Variants in DCX observed in about 807,000 individuals in gnomAD.
DCX encodes the protein doublecortin.
DCX carries 4 observed loss-of-function variants against 20.9 expected under a neutral mutation model. That is an observed-to-expected ratio of 0.19 (90% CI 0.09 to 0.44). The LOEUF (loss-of-function observed/expected upper bound fraction) is 0.44, where lower values mean the gene tolerates loss of function less well. DCX is among the 20% of genes least tolerant of loss of function. The probability of loss-of-function intolerance (pLI) is 0.99; values close to 1 mark genes in which losing one functional copy is unlikely to be tolerated. For synonymous variants in DCX, 103 were observed against 111.4 expected (o/e 0.92, Z 0.47); for missense variants, 133 against 296.9 (o/e 0.45, Z 4.06).
intron 2 of DCX, among the ~76,000 whole-genome samples, chrX:111,405,855 C>T (rs1472375157): frequency 9.0e-6 from 1 of 111,186 alleles, no homozygotes; most frequent in Non-Finnish European, 1.9e-5. Context: ...AAACTGACAT[C>T]AATAACCTTT....
intron 3 of DCX, among the ~76,000 whole-genome samples, chrX:111,397,981 C>A (rs1404598629): frequency 1.8e-5 from 2 of 111,117 alleles, no homozygotes; most frequent in South Asian, 3.8e-4. Flanking sequence ...GAATGGCACA[C>A]AATTTGCAGC....
At chrX:111,335,107 T>A (rs751501981) in intron 3 of DCX, among the ~76,000 whole-genome samples, 1 of 111,896 alleles carries the variant, frequency 8.9e-6, no homozygotes, top group East Asian at 2.8e-4. Flanking sequence ...ACCCTGAAGA[T>A]CTCTGCCATA....
intron 3 of DCX, among the ~76,000 whole-genome samples, chrX:111,344,973 G>A (rs76788715): frequency 8.9e-6 from 1 of 111,933 alleles, no homozygotes; most frequent in Non-Finnish European, 1.9e-5. Context: ...GAGGCATCAC[G>A]CTACTTGACT....
intron 4 of DCX, 100 bp from the exon 5 acceptor site, chrX:111,331,141 T>G: frequency 1.0e-6 from 1 of 974,594 alleles, no homozygotes; most frequent in Non-Finnish European, 1.5e-6. Context: ...CCAAAGGACC[T>G]AAATGGGTCA....
intron 2 of DCX, among the ~76,000 whole-genome samples, chrX:111,408,116 C>G (rs914248161): frequency 9.0e-6 from 1 of 111,370 alleles, no homozygotes; most frequent in Admixed American, 9.5e-5. Flanking sequence ...TGACAAAAGA[C>G]AGACACCCTA....
intron 3 of DCX, among the ~76,000 whole-genome samples, chrX:111,396,079 T>C (rs1204881116): frequency 8.9e-6 from 1 of 112,587 alleles, no homozygotes; most frequent in Non-Finnish European, 1.9e-5. Flanking sequence ...TTCTTTTGTA[T>C]GGCAACGTGG....
At chrX:111,374,654 CA>C (rs1925382769) in intron 3 of DCX, among the ~76,000 whole-genome samples, 1 of 110,076 alleles carries the variant, frequency 9.1e-6, no homozygotes, top group Admixed American at 9.7e-5. Context: ...AGGGAAAAAC[CA>C]AGGTATTTCT....
chrX:111,404,981 C>T (rs1221216497), intron 2 of DCX, among the ~76,000 whole-genome samples: 1 of 111,813 alleles, frequency 8.9e-6, no homozygotes, highest in East Asian at 2.8e-4. Flanking sequence ...CAGCTGGGGG[C>T]CTAGAGGGAA....
At chrX:111,362,972 CAGGCTGGT>C (rs1924329725) in intron 3 of DCX, among the ~76,000 whole-genome samples, 1 of 112,022 alleles carries the variant, frequency 8.9e-6, no homozygotes, top group Middle Eastern at 4.2e-3. Context: ...ATGTTGTTTA[CAGGCTGGT>C]AGAGGAGACT....
intron 3 of DCX, among the ~76,000 whole-genome samples, chrX:111,387,922 G>A (rs2147244320): frequency 9.0e-6 from 1 of 111,720 alleles, no homozygotes; most frequent in South Asian, 3.8e-4. Flanking sequence ...GCAATAGAAA[G>A]TGTGCAGTCT....
chrX:111,312,969 C>T (rs913175044), intron 5 of DCX, among the ~76,000 whole-genome samples: 20 of 111,929 alleles, frequency 1.8e-4, no homozygotes, highest in South Asian at 3.8e-4. Flanking sequence ...CCCACCCTTT[C>T]CTCCTCAGTG....
At chrX:111,327,954 T>C (rs1175067023) in intron 5 of DCX, among the ~76,000 whole-genome samples, 1 of 112,701 alleles carries the variant, frequency 8.9e-6, no homozygotes, top group Admixed American at 9.4e-5. Flanking sequence ...AGACACATTA[T>C]CTGAGATGAG....
At chrX:111,336,566 A>C (rs1921756327) in intron 3 of DCX, among the ~76,000 whole-genome samples, 1 of 112,114 alleles carries the variant, frequency 8.9e-6, no homozygotes, top group African/African-American at 3.2e-5. Context: ...GGAAAATAGA[A>C]TGCTCTCCAT....
rs1204810528 is a variant in DCX, at chrX:111,301,501, A to G, written c.*186T>C. ...CTCTCATAATTGGTAACTGTGGATC[A>G]GTGGCCCAGAGGAGAAATCACAGGA... On this transcript the variant is annotated 3_prime_UTR_variant, in exon 7 of 7. Transcript: ENST00000636035. 2.0e-6 allele frequency: 1 copy of G among 500,243 alleles called. No individual in the cohort carries two copies. The highest frequency in any genetic ancestry group is 3.6e-6 in the Non-Finnish European group (1 of 276,144). The allele number at this position is 500,243 out of a possible 1,213,427, so 41.2% of individuals were successfully genotyped here. A position where few individuals can be genotyped will look rare whatever the true frequency, so the allele number is the denominator to read the frequency against.
intron 2 of DCX, among the ~76,000 whole-genome samples, chrX:111,403,134 A>G (rs753051173): frequency 4.5e-5 from 5 of 111,574 alleles, no homozygotes; most frequent in Admixed American, 9.5e-5. Flanking sequence ...ATTCACAGCC[A>G]ATAACCCCCA....
chrX:111,303,841 A>T (rs181913486), intron 6 of DCX, among the ~76,000 whole-genome samples: 94 of 112,382 alleles, frequency 8.4e-4, no homozygotes, highest in African/African-American at 2.9e-3. Context: ...AATTTTCTGT[A>T]AAAGATTAGA....
At chrX:111,385,783 G>GGAA (rs1926418968) in intron 3 of DCX, among the ~76,000 whole-genome samples, 2 of 52,865 alleles carry the variant, frequency 3.8e-5, no homozygotes, top group African/African-American at 1.4e-4. Flanking sequence ...GAGGGAGGGA[G>GGAA]GGAAGGAAGG....
intron 3 of DCX, among the ~76,000 whole-genome samples, chrX:111,337,775 T>C (rs1295581854): frequency 8.9e-6 from 1 of 112,425 alleles, no homozygotes; most frequent in Non-Finnish European, 1.9e-5. Flanking sequence ...AAAAGTTCAA[T>C]TCTACTAATA....
chrX:111,304,272 C>T (rs1013405183), intron 6 of DCX, among the ~76,000 whole-genome samples: 2 of 112,035 alleles, frequency 1.8e-5, no homozygotes, highest in African/African-American at 6.5e-5. Flanking sequence ...AAATCTGTTC[C>T]TCAACAAATG....
Sources: gnomAD v4.1 joint callset for allele counts (sites outside exome capture counted in the v4.1 genomes callset) on GRCh38, gnomAD v4.1.1 for gene constraint, MANE v1.5 for transcripts, NCBI Gene and HGNC (gene_info 2026-07-23, HGNC 2026-07-21) for gene names.